Variants in FAM120A observed in about 807,000 individuals in gnomAD.
The protein encoded by FAM120A is constitutive coactivator of PPAR-gamma-like protein 1.
A neutral mutation model predicts 109.7 loss-of-function variants in FAM120A; 15 were observed. The observed-to-expected ratio is 0.14, with a 90% confidence interval of 0.09 to 0.21. The LOEUF (loss-of-function observed/expected upper bound fraction) is 0.21. Among genes scored for constraint, FAM120A ranks in the 10% least tolerant of loss-of-function variants. The pLI is 1.00. For synonymous variants in FAM120A, 493 were observed against 572.8 expected (o/e 0.86, Z 1.99); for missense variants, 899 against 1,439.3 (o/e 0.62, Z 6.07).
At chr9:93,474,128 C>G (rs1289860814) in intron 2 of FAM120A, among the ~76,000 whole-genome samples, 3 of 152,160 alleles carry the variant, frequency 2.0e-5, no homozygotes, top group Admixed American at 1.3e-4. Flanking sequence ...TTAGGGCTTG[C>G]AATCTCTTCA....
In FAM120A at chr9:93,452,605, C is replaced by G; in HGVS notation, c.474+216C>G. The G allele has an allele frequency of 6.3e-7, 1 of 1,598,938 alleles. No homozygotes were observed. The highest frequency in any genetic ancestry group is 8.5e-7 in the Non-Finnish European group (1 of 1,179,676). On this transcript the variant is annotated intron_variant, in intron 1 of 17. Coordinates refer to ENST00000277165, the MANE Select transcript of FAM120A (RefSeq NM_014612.5). This position sits in a 1 kb window ranked among gnomAD's most constrained non-coding sequence, Gnocchi z 7.0. ...AAGCCCGTCTCCAGCTGTCCCTGTT[C>G]GGGGTCCGCGGCCGCGTGGGGACAC...
intron 7 of FAM120A, among the ~76,000 whole-genome samples, chr9:93,522,192 G>C (rs1211198482): frequency 1.3e-5 from 2 of 152,182 alleles, no homozygotes; most frequent in Non-Finnish European, 2.9e-5. Context: ...TGAGGTTACT[G>C]TATTACAATT....
rs868811104 is a variant in FAM120A at position 93,452,348 on chromosome 9, G to A, written c.433G>A (p.Ala145Thr). Reference sequence around the variant, plus strand: ...CTGGTTCCTGCCGCCCGTCTGCATGGCCCACTGCATCCGCCTGGCGCTCAT... The same window carrying A: ...CTGGTTCCTGCCGCCCGTCTGCATGACCCACTGCATCCGCCTGGCGCTCAT... ...KVWFLPPVCM[A>T]HCIRLALIRF... is the part of the protein sequence containing the mutation. The change falls in exon 1 of 18, where the codon GCC becomes ACC. Residue 145 changes from alanine to threonine, a missense_variant. By Grantham distance (58) the Ala-to-Thr change is moderately conservative (BLOSUM62 0). Coordinates refer to ENST00000277165, the MANE Select transcript of FAM120A (RefSeq NM_014612.5). This position sits in a 1 kb window ranked among gnomAD's most constrained non-coding sequence, Gnocchi z 7.0. 6 of 1,612,630 alleles carry A rather than the reference G, an allele frequency of 3.7e-6. No individual in the cohort carries two copies. The Middle Eastern group carries it at 6.6e-4, about 178-fold the overall frequency.
intron 3 of FAM120A, among the ~76,000 whole-genome samples, chr9:93,484,036 CTCTT>C (rs909803885): frequency 1.3e-5 from 2 of 150,786 alleles, no homozygotes; most frequent in Non-Finnish European, 2.9e-5. Context: ...TTCTGTGTCT[CTCTT>C]TTTTTTTTTT....
intron 5 of FAM120A, among the ~76,000 whole-genome samples, chr9:93,504,680 G>T (rs1241551874): frequency 6.6e-6 from 1 of 151,846 alleles, no homozygotes; most frequent in African/African-American, 2.4e-5. Flanking sequence ...ATATATATTT[G>T]TCCATTCTAC....
At chr9:93,495,580 T>C (rs1209229764) in intron 3 of FAM120A, among the ~76,000 whole-genome samples, 1 of 152,244 alleles carries the variant, frequency 6.6e-6, no homozygotes, top group Non-Finnish European at 1.5e-5. Context: ...AGTACTGTAG[T>C]CTATTAAGAG....
At chr9:93,520,781 T>C (rs186305774) in intron 7 of FAM120A, among the ~76,000 whole-genome samples, 1 of 152,280 alleles carries the variant, frequency 6.6e-6, no homozygotes, top group Non-Finnish European at 1.5e-5. Flanking sequence ...GAAAATATGC[T>C]CTTGTAACCC....
At position 93,564,313 on chromosome 9, in the gene FAM120A, T is replaced by C. The variant is rs766027351; in HGVS notation, c.3130T>C (p.Ser1044Pro). 8 of 1,614,218 alleles carry C rather than the reference T, an allele frequency of 5.0e-6. No homozygotes were observed. Among genetic ancestry groups the C allele is most frequent in the Non-Finnish European group, 5.9e-6 (7 of 1,180,036 alleles). The change falls in exon 18 of 18, where the codon TCT (serine) becomes CCT (proline). Residue 1044 changes from serine to proline, a missense_variant. Around this residue, in one of 11 missense-constraint regions of FAM120A, gnomAD observed 170 missense variants for 205.0 expected, o/e 0.83. Coordinates refer to ENST00000277165, the MANE Select transcript of FAM120A (RefSeq NM_014612.5). ...TGGGGAATCGAAGTCCTCTGCTATG[T>C]CTTCAGACGGGTCCCTGGCTGAAAA... ...KSGESKSSAM[S>P]SDGSLAENGV... is the part of the protein sequence containing the mutation.
chr9:93,538,142 C>G (rs747039984), intron 10 of FAM120A, among the ~76,000 whole-genome samples: 5 of 151,846 alleles, frequency 3.3e-5, no homozygotes, highest in Non-Finnish European at 7.4e-5. Flanking sequence ...CAGCATTTAT[C>G]TACATGTCTG....
chr9:93,516,290 T>C, intron 7 of FAM120A, 21 bp downstream of exon 7: 2 of 1,601,118 alleles, frequency 1.2e-6, no homozygotes, highest in South Asian at 1.1e-5. Flanking sequence ...CGTGGGTCGC[T>C]GGGTGCTTCC....
intron 1 of FAM120A, among the ~76,000 whole-genome samples, chr9:93,469,809 G>A (rs1056288853): frequency 6.6e-6 from 1 of 151,730 alleles, no homozygotes; most frequent in Non-Finnish European, 1.5e-5. Context: ...CTTCTTTTAC[G>A]TATGCATCTT....
At chr9:93,520,852 C>G (rs1423012487) in intron 7 of FAM120A, among the ~76,000 whole-genome samples, 2 of 152,224 alleles carry the variant, frequency 1.3e-5, no homozygotes, top group Non-Finnish European at 2.9e-5. Context: ...CTCAGCCAGT[C>G]CTCAGGGGCA....
intron 1 of FAM120A, among the ~76,000 whole-genome samples, chr9:93,458,946 C>T (rs1293917376): frequency 6.6e-6 from 1 of 152,118 alleles, no homozygotes; most frequent in African/African-American, 2.4e-5. Flanking sequence ...TTTCACAATC[C>T]CTCTACTGTA....
At chr9:93,556,289 T>G in intron 12 of FAM120A, 93 bp from the exon 13 acceptor site, 1 of 1,033,332 alleles carries the variant, frequency 9.7e-7, no homozygotes, top group Non-Finnish European at 1.5e-6. Context: ...TTGAGGAATA[T>G]TCTGTTAACT....
intron 8 of FAM120A, among the ~76,000 whole-genome samples, chr9:93,528,037 G>A (rs1383970076): frequency 1.3e-5 from 2 of 152,176 alleles, no homozygotes; most frequent in African/African-American, 4.8e-5. Flanking sequence ...CCGGTTTCCT[G>A]CCTGAAGGTT....
intron 11 of FAM120A, among the ~76,000 whole-genome samples, chr9:93,548,516 C>T (rs1861975441): frequency 6.6e-6 from 1 of 152,092 alleles, no homozygotes; most frequent in African/African-American, 2.4e-5. Flanking sequence ...CATGGTTGCA[C>T]AGCAGTGTGA....
chr9:93,511,410 T>C (rs1588862628), intron 5 of FAM120A, among the ~76,000 whole-genome samples: 2 of 152,284 alleles, frequency 1.3e-5, no homozygotes, highest in South Asian at 4.1e-4. Flanking sequence ...GCACTGACAT[T>C]GCACCTGGTC....
chr9:93,508,891 G>T (rs1314766236), intron 5 of FAM120A, among the ~76,000 whole-genome samples: 1 of 152,178 alleles, frequency 6.6e-6, no homozygotes, highest in African/African-American at 2.4e-5. Flanking sequence ...ATACCCCCCA[G>T]AATCTGAGAA....
In FAM120A at chr9:93,476,205, C is replaced by T. The variant is rs1208312429; in HGVS notation, c.722-51C>T. ...AATATGCAGCACTTTTGAAAGTTTC[C>T]CTATGTTACTTAAGATGATTGCTTT... is the stretch of plus-strand genomic sequence containing the variant. On this transcript the variant is annotated intron_variant, in intron 2 of 17. Coordinates refer to ENST00000277165, the MANE Select transcript of FAM120A (RefSeq NM_014612.5). 6 of 1,279,102 alleles carry T rather than the reference C, an allele frequency of 4.7e-6. No homozygotes were observed. In the Admixed American group the frequency reaches 1.1e-4, roughly 23 times the overall value. The allele number at this position is 1,279,102 out of a possible 1,614,324, so 79.2% of individuals were successfully genotyped here.
Sources: allele counts gnomAD v4.1 joint callset (sites outside exome capture counted in the v4.1 genomes callset), GRCh38; gene constraint gnomAD v4.1.1; regional missense constraint gnomAD v4.1.1; non-coding constraint Gnocchi (gnomAD v3.1); transcripts MANE v1.5; gene names NCBI Gene and HGNC (gene_info 2026-07-23, HGNC 2026-07-21).